The following CELSR1 variants were observed in gnomAD, a reference collection of about 807,000 sequenced individuals.
The protein encoded by CELSR1 is adhesion G protein-coupled receptor C1.
CELSR1 carries 110 observed loss-of-function variants against 249.1 expected under a neutral mutation model. The observed-to-expected ratio is 0.44, with a 90% CI of 0.38 to 0.52. The LOEUF (loss-of-function observed/expected upper bound fraction) is 0.52, where lower values mean the gene tolerates loss of function less well. Ranked by LOEUF, CELSR1 falls within the 20% of genes least tolerant of loss-of-function variation. The pLI, the probability that CELSR1 is intolerant of heterozygous loss-of-function variation, is 0.00. For synonymous variants in CELSR1, 2,113 were observed against 1,900.0 expected (o/e 1.11, Z -2.92); for missense variants, 4,109 against 4,296.4 (o/e 0.96, Z 1.22).
intron 1 of CELSR1, among the ~76,000 whole-genome samples, chr22:46,513,711 T>G (rs2080596878): frequency 6.6e-6 from 1 of 152,180 alleles, no homozygotes; most frequent in African/African-American, 2.4e-5. Flanking sequence ...AACACTCACC[T>G]GCGCAGAGAG....
chr22:46,536,563 G>A lies in CELSR1; in HGVS notation c.608C>T (p.Ala203Val), dbSNP rs2080859080. The A allele has an allele frequency of 1.1e-5, 14 of 1,316,532 alleles. No individual in the cohort carries two copies. The highest frequency in any genetic ancestry group is 2.0e-5 in the South Asian group (1 of 49,296). 81.6% of individuals were successfully genotyped at this position (1,316,532 alleles called of 1,614,324 possible). A position where few individuals can be genotyped will look rare whatever the true frequency, so the allele number is the denominator to read the frequency against. ...CGACGCGGAGGGCGTCCCCGCGGTG[G>A]CGGCCTCCAGCGCCAGTCCCACCCG... ...AVRVGLALEA[A>V]TAGTPSASPS... The change falls in exon 1 of 35, where the codon GCC becomes GTC. Residue 203 changes from alanine to valine, a missense_variant. Physicochemically the swap from Ala to Val is moderately conservative, Grantham distance 64. Coordinates refer to ENST00000674500, the MANE Select transcript of CELSR1 (RefSeq NM_001378328.1).
chr22:46,417,343 C>A lies in CELSR1; in HGVS notation c.4612-5584G>T, dbSNP rs1303496337. 6.6e-6 allele frequency among the ~76,000 whole-genome samples: 1 copy of A among 152,216 alleles called. No homozygotes were observed. Among genetic ancestry groups the A allele is most frequent in the East Asian group, 1.9e-4 (1 of 5,190 alleles). The stretch of plus-strand genomic sequence containing the variant: ...GCAGCCTTCCAGAATTCAAACTGGC[C>A]TCCCAGGAGCCTCGGACAGGACTTT... On this transcript the variant is annotated intron_variant, in intron 5 of 34. Coordinates refer to ENST00000674500, the MANE Select transcript of CELSR1 (RefSeq NM_001378328.1). The surrounding 1 kb of genome is among the most constrained non-coding windows in gnomAD (Gnocchi z 4.1).
chr22:46,480,414 G>A (rs1361761492), intron 1 of CELSR1, among the ~76,000 whole-genome samples: 1 of 152,140 alleles, frequency 6.6e-6, no homozygotes, highest in East Asian at 1.9e-4. Context: ...CAAATGATAA[G>A]GAACCTTTCA....
In CELSR1 at chr22:46,536,642, C is replaced by G; in HGVS notation, c.529G>C (p.Gly177Arg). The G allele has an allele frequency of 8.6e-7, 1 of 1,166,682 alleles. No individual in the cohort carries two copies. Among genetic ancestry groups the G allele is most frequent in the Admixed American group, 4.7e-5 (1 of 21,218 alleles). 72.3% of individuals were successfully genotyped at this position (1,166,682 alleles called of 1,614,324 possible). A position where few individuals can be genotyped will look rare whatever the true frequency, so the allele number is the denominator to read the frequency against. The change falls in exon 1 of 35, where the codon GGC (glycine) becomes CGC (arginine). Residue 177 changes from glycine to arginine, a missense_variant. Physicochemically the swap from Gly to Arg is moderately radical, Grantham distance 125. Transcript: ENST00000674500. ...PGRPICLPPGGSVRLRLLCAL... is the reference protein window; with the variant it reads ...PGRPICLPPGRSVRLRLLCAL... ...CACAGCAGACGCAGGCGGACCGAGC[C>G]GCCCGGCGGCAGGCAGATGGGACGG...
intron 25 of CELSR1, 175 bp from the exon 26 acceptor site, chr22:46,369,979 T>C (rs2078833445): frequency 7.4e-6 from 5 of 675,468 alleles, no homozygotes; most frequent in Non-Finnish European, 1.4e-5. Flanking sequence ...TCTCTCCGTG[T>C]AGGGTCTCAG....
Position 46,537,180 on chromosome 22 carries a change from C to A in CELSR1, c.-10G>T. On this transcript the variant is annotated 5_prime_UTR_variant, in exon 1 of 35. Transcript: ENST00000674500. This position sits in a 1 kb window ranked among gnomAD's most constrained non-coding sequence, Gnocchi z 5.8. The stretch of plus-strand genomic sequence containing the variant: ...GCGGCGGCGGCGCCATGGCCCGGAG[C>A]CCGAGCCCGAGCCGGGCGCCCGAAC... 1 of 1,017,564 alleles carries A rather than the reference C, an allele frequency of 9.8e-7. No homozygotes were observed. The highest frequency in any genetic ancestry group is 9.8e-5 in the East Asian group (1 of 10,198). The allele number at this position is 1,017,564 out of a possible 1,614,324, so 63.0% of individuals were successfully genotyped here.
At position 46,441,511 on chromosome 22, in the gene CELSR1, C is replaced by T. The variant is rs538892538; in HGVS notation, c.4184-2100G>A. 6.6e-6 allele frequency among the ~76,000 whole-genome samples: 1 copy of T among 152,304 alleles called. No individual in the cohort carries two copies. The highest frequency in any genetic ancestry group is 1.5e-5 in the Non-Finnish European group (1 of 68,022). On this transcript the variant is annotated intron_variant, in intron 2 of 34. Transcript: ENST00000674500. This position sits in a 1 kb window ranked among gnomAD's most constrained non-coding sequence, Gnocchi z 6.1. Reference sequence around the variant, plus strand: ...AAGCATGAGAGATCGGGGGCTTATACAACAGACACTTACTTCCCAGAGCTC... The same window carrying T: ...AAGCATGAGAGATCGGGGGCTTATATAACAGACACTTACTTCCCAGAGCTC...
intron 1 of CELSR1, among the ~76,000 whole-genome samples, chr22:46,502,835 C>A (rs1465161681): frequency 6.6e-6 from 1 of 152,128 alleles, no homozygotes; most frequent in Non-Finnish European, 1.5e-5. Flanking sequence ...TGGCCAAAAT[C>A]GGCAGCAAGG....
chr22:46,383,539 C>T (rs1052891847), intron 20 of CELSR1, among the ~76,000 whole-genome samples: 4 of 152,114 alleles, frequency 2.6e-5, no homozygotes, highest in Non-Finnish European at 5.9e-5. Context: ...CAGCTTTCCC[C>T]CCAACCAGAC....
In CELSR1 at chr22:46,411,853, C is replaced by A; in HGVS notation, c.4612-94G>T. 6.6e-7 allele frequency: 1 copy of A among 1,525,566 alleles called. No homozygotes were observed. The allele number at this position is 1,525,566 out of a possible 1,614,324, so 94.5% of individuals were successfully genotyped here. A position where few individuals can be genotyped will look rare whatever the true frequency, so the allele number is the denominator to read the frequency against. On this transcript the variant is annotated intron_variant, in intron 5 of 34. Coordinates refer to ENST00000674500, the MANE Select transcript of CELSR1 (RefSeq NM_001378328.1). The surrounding 1 kb of genome is among the most constrained non-coding windows in gnomAD (Gnocchi z 4.2). ...CACTCATAGAGCGAGGAGGACATGG[C>A]ACAGGGTGGGCGGCACGTAGACAAG...
chr22:46,515,444 C>T lies in CELSR1; in HGVS notation c.3544+18183G>A, dbSNP rs149594322. Among the ~76,000 whole-genome samples, 390 of 152,198 alleles carry T rather than the reference C, an allele frequency of 2.6e-3. 3 individuals carry two copies. Among genetic ancestry groups the T allele is most frequent in the African/African-American group, 9.1e-3 (380 of 41,538 alleles). ...TAAAGGGAAAGAGGCTCACCTTAAA[C>T]ACAAACTCTATGAAGGCCTTAGACA... On this transcript the variant is annotated intron_variant, in intron 1 of 34. Transcript: ENST00000674500.
At chr22:46,366,939 C>G in intron 29 of CELSR1, 54 bp downstream of exon 29, 1 of 1,566,750 alleles carries the variant, frequency 6.4e-7, no homozygotes, top group Admixed American at 1.8e-5. Flanking sequence ...CCCTCCCCCG[C>G]CCCTCGAGAT....
At chr22:46,477,795 G>A (rs139894317) in intron 1 of CELSR1, among the ~76,000 whole-genome samples, 5 of 152,158 alleles carry the variant, frequency 3.3e-5, no homozygotes, top group East Asian at 1.9e-4. Context: ...CTTGAGCCAC[G>A]GCACCTGGCC....
In CELSR1 at chr22:46,463,805, G is replaced by C. The variant is rs747115318; in HGVS notation, c.4085C>G (p.Thr1362Arg). The change falls in exon 2 of 35, where the codon ACG becomes AGG. Residue 1362 changes from threonine to arginine, a missense_variant. Thr to Arg is a moderately conservative substitution (Grantham distance 71, BLOSUM62 -1). This residue lies in a region of CELSR1 where 453 missense variants were observed against 492.0 expected (regional missense o/e 0.92). Coordinates refer to ENST00000674500, the MANE Select transcript of CELSR1 (RefSeq NM_001378328.1). ...PPGFTGDYCE[T>R]EIDLCYSDPC... ...GTCGGAGTAGCAGAGGTCGATCTCCGTCTCGCAGTAGTCGCCGGTGAAGCC... is the reference window on the plus strand; with the variant it reads ...GTCGGAGTAGCAGAGGTCGATCTCCCTCTCGCAGTAGTCGCCGGTGAAGCC... The C allele has an allele frequency of 6.2e-7, 1 of 1,609,260 alleles. No individual in the cohort carries two copies. The highest frequency in any genetic ancestry group is 1.7e-5 in the Admixed American group (1 of 59,660).
At position 46,381,811 on chromosome 22, in the gene CELSR1, G is replaced by A. The variant is rs768435029; in HGVS notation, c.7088+35C>T. Reference sequence around the variant, plus strand: ...TGGAAGCCTCAGGAGCCTCCAGAACGGGCCCTCCCCGTGTGCCCCGTGCCC... The same window carrying A: ...TGGAAGCCTCAGGAGCCTCCAGAACAGGCCCTCCCCGTGTGCCCCGTGCCC... On this transcript the variant is annotated intron_variant, in intron 21 of 34. Coordinates refer to ENST00000674500, the MANE Select transcript of CELSR1 (RefSeq NM_001378328.1). This position sits in a 1 kb window ranked among gnomAD's most constrained non-coding sequence, Gnocchi z 6.0. 1.5e-5 allele frequency: 23 copies of A among 1,526,346 alleles called. No individual in the cohort carries two copies. In the African/African-American group the frequency reaches 2.2e-4, roughly 15 times the overall value. The allele number at this position is 1,526,346 out of a possible 1,614,324, so 94.6% of individuals were successfully genotyped here.
At chr22:46,424,188 T>G (rs2079512005) in intron 5 of CELSR1, among the ~76,000 whole-genome samples, 1 of 151,634 alleles carries the variant, frequency 6.6e-6, no homozygotes, top group East Asian at 1.9e-4. Context: ...CACCTCAGCC[T>G]CCCAAGCAGC....
chr22:46,388,206 G>T (rs1014185350), intron 18 of CELSR1, among the ~76,000 whole-genome samples: 1 of 152,072 alleles, frequency 6.6e-6, no homozygotes, highest in African/African-American at 2.4e-5. Context: ...AAAATTAGCC[G>T]GGCGTGGTGG....
chr22:46,449,284 A>T (rs1020794905), intron 2 of CELSR1, among the ~76,000 whole-genome samples: 2 of 150,002 alleles, frequency 1.3e-5, no homozygotes, highest in Non-Finnish European at 3.0e-5. Flanking sequence ...ACTATCCACC[A>T]TTCATCCATC....
At chr22:46,528,933 TAAA>T (rs1569221247) in intron 1 of CELSR1, among the ~76,000 whole-genome samples, 1 of 17,022 alleles carries the variant, frequency 5.9e-5, no homozygotes, top group African/African-American at 1.5e-3. Context: ...TGTCTCAAAA[TAAA>T]ATAAAATAAA....
Sources: allele counts gnomAD v4.1 joint callset (sites outside exome capture counted in the v4.1 genomes callset), GRCh38; gene constraint gnomAD v4.1.1; regional missense constraint gnomAD v4.1.1; non-coding constraint Gnocchi (gnomAD v3.1); transcripts MANE v1.5; gene names NCBI Gene and HGNC (gene_info 2026-07-23, HGNC 2026-07-21).